Variants in IQUB observed in about 807,000 individuals in gnomAD.
The protein encoded by IQUB is IQ motif and ubiquitin-like domain-containing protein.
Under a neutral mutation model 86.4 loss-of-function variants are expected in IQUB, and 86 were observed. The ratio of observed to expected loss-of-function variants is 1.00; its 90% confidence interval spans 0.84 to 1.19. IQUB has a LOEUF of 1.19. Among genes scored for constraint, IQUB ranks in the 50% most tolerant of loss-of-function variants. IQUB has a pLI of 0.00. For synonymous variants in IQUB, 289 were observed against 304.5 expected (o/e 0.95, Z 0.53); for missense variants, 946 against 916.9 (o/e 1.03, Z -0.41).
chr7:123,509,829 A>G, intron 3 of IQUB, 72 bp downstream of exon 3: 1 of 1,329,530 alleles, frequency 7.5e-7, no homozygotes, highest in South Asian at 1.3e-5. Flanking sequence ...AGTTTTTAAA[A>G]TCAAAGATCT....
Position 123,519,686 on chromosome 7 carries a change from G to C in IQUB, c.-4-7342C>G, listed in dbSNP as rs1221005539. On this transcript the variant is annotated intron_variant, in intron 1 of 12. Coordinates refer to ENST00000324698, the MANE Select transcript of IQUB (RefSeq NM_178827.5). ...AAGGATGAAGTAAGGTTGGTTAAGG[G>C]GTTCAAAAATACATTTACATAGAAG... 2.6e-5 allele frequency among the ~76,000 whole-genome samples: 4 copies of C among 152,142 alleles called. No individual in the cohort carries two copies. The South Asian group carries it at 6.2e-4, about 24-fold the overall frequency.
intron 6 of IQUB, chr7:123,502,134 T>A (rs2117200481): frequency 6.5e-6 from 1 of 154,690 alleles, no homozygotes; most frequent in East Asian, 1.9e-4. Flanking sequence ...CACAGTAAAT[T>A]GATGGTAGGA....
chr7:123,522,691 A>C (rs1796961849), intron 1 of IQUB, among the ~76,000 whole-genome samples: 1 of 152,146 alleles, frequency 6.6e-6, no homozygotes, highest in Admixed American at 6.5e-5. Context: ...CGTTTTATAA[A>C]GTAGGAGAAA....
intron 9 of IQUB, among the ~76,000 whole-genome samples, chr7:123,466,890 C>T (rs890899863): frequency 6.6e-6 from 1 of 152,068 alleles, no homozygotes; most frequent in African/African-American, 2.4e-5. Context: ...ACTGACCATG[C>T]AGTTACCTAA....
At position 123,454,530 on chromosome 7, in the gene IQUB, T is replaced by C. The variant is rs963808072; in HGVS notation, c.2194-1605A>G. 2.6e-5 allele frequency among the ~76,000 whole-genome samples: 4 copies of C among 152,084 alleles called. No homozygotes were observed. In the East Asian group the frequency reaches 7.7e-4, roughly 29 times the overall value. ...AGATTATTATATACCTAAGAAATAGTAGTTATCATTGCAACATGGAGATAG... is the reference window on the plus strand; with the variant it reads ...AGATTATTATATACCTAAGAAATAGCAGTTATCATTGCAACATGGAGATAG... On this transcript the variant is annotated intron_variant, in intron 12 of 12. Coordinates refer to ENST00000324698, the MANE Select transcript of IQUB (RefSeq NM_178827.5).
chr7:123,461,235 T>C, intron 11 of IQUB, 122 bp downstream of exon 11: 1 of 999,394 alleles, frequency 1.0e-6, no homozygotes, highest in Non-Finnish European at 1.5e-6. Flanking sequence ...TCACAGAGCT[T>C]ACAGTCTAGT....
At chr7:123,453,097 G>A (rs926094271) in intron 12 of IQUB, among the ~76,000 whole-genome samples, 172 bp from the exon 13 acceptor site, 7 of 151,442 alleles carry the variant, frequency 4.6e-5, no homozygotes, top group African/African-American at 1.5e-4. Flanking sequence ...ACTTTAACCT[G>A]GAAGTTTTCC....
intron 1 of IQUB, among the ~76,000 whole-genome samples, chr7:123,525,448 G>A (rs1379231544): frequency 6.6e-6 from 1 of 152,104 alleles, no homozygotes; most frequent in Non-Finnish European, 1.5e-5. Context: ...ATGTGTCCAG[G>A]AATTTATCCA....
intron 3 of IQUB, among the ~76,000 whole-genome samples, chr7:123,509,008 A>G (rs1471378083): frequency 6.6e-6 from 1 of 152,238 alleles, no homozygotes; most frequent in Admixed American, 6.5e-5. Context: ...TTGTATAGCA[A>G]ATCAAGTTTT....
chr7:123,457,273 T>G, intron 12 of IQUB, 108 bp downstream of exon 12: 2 of 1,458,726 alleles, frequency 1.4e-6, no homozygotes, highest in Non-Finnish European at 1.8e-6. Context: ...TTCTGTTTCT[T>G]AATCTGATGG....
At chr7:123,471,843 A>G (rs959559091) in intron 8 of IQUB, among the ~76,000 whole-genome samples, 12 of 152,178 alleles carry the variant, frequency 7.9e-5, no homozygotes, top group African/African-American at 2.7e-4. Flanking sequence ...CAAGTATACA[A>G]TGTCTCTATT....
intron 1 of IQUB, among the ~76,000 whole-genome samples, chr7:123,527,229 A>T (rs571029292): frequency 1.8e-4 from 28 of 152,154 alleles, no homozygotes; most frequent in Admixed American, 3.3e-4. Context: ...AATTTTTTTC[A>T]AAGTTTTCAA....
chr7:123,521,979 C>T (rs911074158), intron 1 of IQUB, among the ~76,000 whole-genome samples: 1 of 152,036 alleles, frequency 6.6e-6, no homozygotes, highest in African/African-American at 2.4e-5. Flanking sequence ...GGAGCCAGCC[C>T]ACCTGAGTTT....
chr7:123,462,069 CAA>C (rs1491424628), intron 10 of IQUB, among the ~76,000 whole-genome samples: 1 of 151,628 alleles, frequency 6.6e-6, no homozygotes, highest in Non-Finnish European at 1.5e-5. Flanking sequence ...GATTAATTTT[CAA>C]AGTTTGAAAT....
intron 1 of IQUB, among the ~76,000 whole-genome samples, chr7:123,524,073 T>C (rs886326496): frequency 6.8e-6 from 1 of 146,574 alleles, no homozygotes; most frequent in East Asian, 2.0e-4. Flanking sequence ...ATCTCTGTTT[T>C]GGTACCAGTA....
At chr7:123,461,251 A>C in intron 11 of IQUB, 106 bp downstream of exon 11, 3 of 1,147,464 alleles carry the variant, frequency 2.6e-6, no homozygotes, top group Non-Finnish European at 2.5e-6. Context: ...CTAGTGGAAT[A>C]GAGAGTCATT....
At chr7:123,492,256 A>G (rs1795506188) in intron 7 of IQUB, among the ~76,000 whole-genome samples, 1 of 152,220 alleles carries the variant, frequency 6.6e-6, no homozygotes, top group African/African-American at 2.4e-5. Context: ...TACAAAGGCA[A>G]TGCAATGGAG....
rs1359227630 is a variant in IQUB at position 123,457,497 on chromosome 7, G to C, written c.2077C>G (p.Leu693Val). The change falls in exon 12 of 13, where the codon CTC becomes GTC. Residue 693 changes from leucine (L) to valine (V), a missense_variant. Transcript: ENST00000324698. ...SQSVLSACDNLSDLVMVRWNK... is the reference protein window; with the variant it reads ...SQSVLSACDNVSDLVMVRWNK... ...CATCTGACCATGACCAGATCACTGA[G>C]ATTGTCGCAAGCACTGAGGACTGAC... 6.2e-7 allele frequency: 1 copy of C among 1,611,366 alleles called. No homozygotes were observed. Among genetic ancestry groups the C allele is most frequent in the Admixed American group, 1.7e-5 (1 of 59,492 alleles).
chr7:123,463,319 A>C (rs1324651088), intron 10 of IQUB, among the ~76,000 whole-genome samples: 1 of 151,752 alleles, frequency 6.6e-6, no homozygotes, highest in Non-Finnish European at 1.5e-5. Context: ...CAATTTACCC[A>C]AAAACTCATA....
Sources: gnomAD v4.1 joint callset for allele counts (sites outside exome capture counted in the v4.1 genomes callset) on GRCh38, gnomAD v4.1.1 for gene constraint, MANE v1.5 for transcripts, NCBI Gene and HGNC (gene_info 2026-07-23, HGNC 2026-07-21) for gene names.